The following DRC8 variants were observed in gnomAD, a reference collection of about 807,000 sequenced individuals.
DRC8 encodes dynein regulatory complex subunit 8.
the DRC8 span, among the ~76,000 whole-genome samples, chr1:245,077,527 A>G: frequency 6.6e-6 from 1 of 152,232 alleles, no homozygotes; most frequent in Non-Finnish European, 1.5e-5. Context: ...AAAAACAGTC[A>G]TATAGACTAT....
chr1:245,019,793 T>A, the DRC8 span, among the ~76,000 whole-genome samples: 16 of 152,098 alleles, frequency 1.1e-4, no homozygotes, highest in African/African-American at 3.9e-4. Flanking sequence ...AAATAAAAAC[T>A]AAAAACTAAA....
At chr1:245,027,364 G>A in the DRC8 span, among the ~76,000 whole-genome samples, 10 of 151,958 alleles carry the variant, frequency 6.6e-5, no homozygotes. Flanking sequence ...GGAAAGGAAA[G>A]GAAGGAAAAA....
the DRC8 span, chr1:245,044,088 G>C: frequency 6.6e-6 from 1 of 152,108 alleles, no homozygotes; most frequent in Non-Finnish European, 1.5e-5. Context: ...ATGACAAAAA[G>C]AAAGGTAATT....
At chr1:245,020,702 C>T in the DRC8 span, among the ~76,000 whole-genome samples, 2 of 147,732 alleles carry the variant, frequency 1.4e-5, no homozygotes, top group East Asian at 2.1e-4. Flanking sequence ...TCACTGCAAC[C>T]TCCGCCTTCC....
chr1:245,093,982 G>A, the DRC8 span, among the ~76,000 whole-genome samples: 1 of 151,974 alleles, frequency 6.6e-6, no homozygotes, highest in Non-Finnish European at 1.5e-5. Context: ...GGTGAGTATT[G>A]CATGACTTTA....
At chr1:245,018,791 T>C in the DRC8 span, among the ~76,000 whole-genome samples, 3,730 of 152,244 alleles carry the variant, frequency 0.025, 161 homozygotes, top group African/African-American at 0.086. Flanking sequence ...TGCCAGAGGC[T>C]TCACGTGGAT....
At chr1:245,012,155 T>G in the DRC8 span, among the ~76,000 whole-genome samples, 1 of 152,170 alleles carries the variant, frequency 6.6e-6, no homozygotes, top group Non-Finnish European at 1.5e-5. Context: ...TGTTTTAAAT[T>G]ATTGGAATGC....
the DRC8 span, among the ~76,000 whole-genome samples, chr1:244,985,439 C>T: frequency 2.0e-5 from 3 of 152,132 alleles, no homozygotes; most frequent in Admixed American, 6.6e-5. Flanking sequence ...CTTCACATGC[C>T]GTAAGAGCTC....
the DRC8 span, among the ~76,000 whole-genome samples, chr1:244,974,490 A>G: frequency 6.6e-6 from 1 of 152,212 alleles, no homozygotes; most frequent in African/African-American, 2.4e-5. Context: ...TAATTCAATT[A>G]TCACCTCCTA....
chr1:245,116,635 G>A, the DRC8 span, among the ~76,000 whole-genome samples: 1 of 152,188 alleles, frequency 6.6e-6, no homozygotes, highest in African/African-American at 2.4e-5. Context: ...ATACCATATA[G>A]ATAAAATTGT....
the DRC8 span, among the ~76,000 whole-genome samples, chr1:245,121,297 C>A: frequency 1.3e-5 from 2 of 152,200 alleles, no homozygotes; most frequent in Non-Finnish European, 2.9e-5. Flanking sequence ...GAAAGCTCAA[C>A]CCATAAAAGG....
the DRC8 span, among the ~76,000 whole-genome samples, chr1:245,101,317 G>T: frequency 6.6e-6 from 1 of 152,144 alleles, no homozygotes; most frequent in Non-Finnish European, 1.5e-5. Flanking sequence ...GGTTTTGCTG[G>T]TTGCATCATC....
At chr1:245,015,709 CAA>C in the DRC8 span, 10,610 of 197,718 alleles carry the variant, frequency 0.054, no homozygotes, top group South Asian at 0.12. Context: ...GACTCTGTCT[CAA>C]AAAAAAAAAA....
At chr1:244,983,733 C>G in the DRC8 span, among the ~76,000 whole-genome samples, 1 of 90,748 alleles carries the variant, frequency 1.1e-5, no homozygotes, top group Non-Finnish European at 2.1e-5. Context: ...GAGCAAGACT[C>G]TGTCTCAAAA....
chr1:244,979,397 C>T, the DRC8 span, among the ~76,000 whole-genome samples: 1 of 139,600 alleles, frequency 7.2e-6, no homozygotes, highest in African/African-American at 2.6e-5. Flanking sequence ...CCTCTGCCTC[C>T]TGGGTTCAAG....
the DRC8 span, chr1:244,970,458 C>T: frequency 6.6e-7 from 1 of 1,525,092 alleles, no homozygotes; most frequent in South Asian, 1.2e-5. Flanking sequence ...GGTAGGGGAG[C>T]CGGGGAGCCG....
the DRC8 span, among the ~76,000 whole-genome samples, chr1:245,062,673 C>T: frequency 2.6e-5 from 4 of 152,176 alleles, no homozygotes; most frequent in African/African-American, 7.2e-5. Context: ...GCACTAAGCA[C>T]GGATTATGAC....
At chr1:245,108,466 A>G in the DRC8 span, among the ~76,000 whole-genome samples, 1 of 152,096 alleles carries the variant, frequency 6.6e-6, no homozygotes, top group African/African-American at 2.4e-5. Context: ...TGTCTTACTG[A>G]GGCCTCTTTC....
the DRC8 span, among the ~76,000 whole-genome samples, chr1:245,036,613 A>G: frequency 1.3e-5 from 2 of 152,258 alleles, no homozygotes; most frequent in South Asian, 2.1e-4. Flanking sequence ...TGATGAATGG[A>G]TAAATGAAAC....
Sources: allele counts gnomAD v4.1 joint callset (sites outside exome capture counted in the v4.1 genomes callset), GRCh38; gene constraint gnomAD v4.1.1; transcripts MANE v1.5; gene names NCBI Gene and HGNC (gene_info 2026-07-23, HGNC 2026-07-21).